Variants in ZNF618 observed in about 807,000 individuals in gnomAD.
The protein encoded by ZNF618 is zinc finger protein 618.
In ZNF618, 34 loss-of-function variants were observed where a neutral mutation model predicts 103.0. The ratio of observed to expected loss-of-function variants is 0.33; its 90% CI spans 0.25 to 0.44. ZNF618 has a LOEUF of 0.44. Ranked by LOEUF, ZNF618 falls within the 20% of genes least tolerant of loss-of-function variation. ZNF618 has a pLI of 1.00. For synonymous variants in ZNF618, 551 were observed against 542.2 expected (o/e 1.02, Z -0.23); for missense variants, 1,059 against 1,295.4 (o/e 0.82, Z 2.80).
rs577620970 is a variant in ZNF618 at position 113,907,651 on chromosome 9, A to AC, written c.33+31245dup. 1.8e-4 allele frequency among the ~76,000 whole-genome samples: 27 copies of AC among 151,466 alleles called. No homozygotes were observed. In the South Asian group the frequency reaches 3.8e-3, roughly 21 times the overall value. On this transcript the variant is annotated intron_variant, in intron 1 of 14. Coordinates refer to ENST00000374126, the MANE Select transcript of ZNF618 (RefSeq NM_001318042.2). ...AGCGCTTTCCAGAGGGTTGTCCAGG[A>AC]CCCCCCCGCATGAGAGGCCCCTGGG...
intron 3 of ZNF618, among the ~76,000 whole-genome samples, chr9:113,992,390 G>A (rs1287700053): frequency 2.6e-5 from 4 of 152,134 alleles, no homozygotes; most frequent in African/African-American, 9.7e-5. Context: ...CCTCCTACCT[G>A]CTTCTGAAAG....
chr9:113,908,953 C>CT (rs1831246522), intron 1 of ZNF618, among the ~76,000 whole-genome samples: 2 of 151,738 alleles, frequency 1.3e-5, no homozygotes, highest in Admixed American at 1.3e-4. Flanking sequence ...TTTAGTCCTC[C>CT]TTTTTAGTCT....
intron 3 of ZNF618, among the ~76,000 whole-genome samples, chr9:113,993,831 G>A (rs1232967043): frequency 6.6e-6 from 1 of 152,210 alleles, no homozygotes; most frequent in African/African-American, 2.4e-5. Flanking sequence ...ATTTTGCAAG[G>A]TGCGCATGGA....
rs3748184 is a variant in ZNF618, at chr9:114,008,375, G to C, written c.672G>C (p.Arg224=). Residue 224 remains arginine (R), a synonymous_variant, in exon 8 of 15, where the codon CGG becomes CGC. Coordinates refer to ENST00000374126, the MANE Select transcript of ZNF618 (RefSeq NM_001318042.2). ...VFSVEGAPEN[R]ADPFDQGVVA... Reference sequence around the variant, plus strand: ...GTGTGGAAGGGGCCCCTGAGAACCGGGCAGGTAAGTCCTTGGTGTCTGCTT... The same window carrying C: ...GTGTGGAAGGGGCCCCTGAGAACCGCGCAGGTAAGTCCTTGGTGTCTGCTT... The C allele has an allele frequency of 1.9e-6, 3 of 1,613,978 alleles. No individual in the cohort carries two copies. In the East Asian group the frequency reaches 6.7e-5, roughly 36 times the overall value.
intron 4 of ZNF618, among the ~76,000 whole-genome samples, chr9:114,001,456 G>A (rs1279857065): frequency 6.6e-6 from 1 of 152,130 alleles, no homozygotes; most frequent in Admixed American, 6.5e-5. Context: ...GTCCCATTCT[G>A]CAGATCAGCA....
At chr9:114,035,709 T>C (rs1260900324) in intron 12 of ZNF618, among the ~76,000 whole-genome samples, 3 of 151,604 alleles carry the variant, frequency 2.0e-5, no homozygotes, top group South Asian at 2.1e-4. Flanking sequence ...CCTGCACCCC[T>C]TGTGCCTGTT....
chr9:113,942,880 G>C (rs932911792), intron 1 of ZNF618, among the ~76,000 whole-genome samples: 1 of 152,186 alleles, frequency 6.6e-6, no homozygotes, highest in Non-Finnish European at 1.5e-5. Context: ...GAGCTATTTA[G>C]GTGGTTACAT....
intron 10 of ZNF618, among the ~76,000 whole-genome samples, chr9:114,020,355 C>G (rs1842968534): frequency 6.6e-6 from 1 of 151,774 alleles, no homozygotes; most frequent in Non-Finnish European, 1.5e-5. Flanking sequence ...CAAAAAAATG[C>G]AACTTGGAGT....
intron 10 of ZNF618, among the ~76,000 whole-genome samples, chr9:114,024,779 C>T (rs1156925155): frequency 6.6e-6 from 1 of 151,420 alleles, no homozygotes; most frequent in Admixed American, 6.6e-5. Context: ...TTTGCGGAGA[C>T]TCATCTGCAC....
intron 11 of ZNF618, among the ~76,000 whole-genome samples, chr9:114,030,580 T>A (rs890415825): frequency 1.3e-5 from 2 of 152,206 alleles, no homozygotes; most frequent in South Asian, 4.1e-4. Flanking sequence ...TGCCTTCATG[T>A]GCCTTGGAAG....
At position 114,008,419 on chromosome 9, in the gene ZNF618, G is replaced by T. The variant is rs766126348; in HGVS notation, c.676+40G>T. On this transcript the variant is annotated intron_variant, in intron 8 of 14. Coordinates refer to ENST00000374126, the MANE Select transcript of ZNF618 (RefSeq NM_001318042.2). ...TCTGCTTGTCACCTCCCCTGTCCCCGGCTGGGCTCCTGAGACCTGGGGGAC... is the reference window on the plus strand; with the variant it reads ...TCTGCTTGTCACCTCCCCTGTCCCCTGCTGGGCTCCTGAGACCTGGGGGAC... The T allele has an allele frequency of 7.4e-6, 12 of 1,613,938 alleles. No homozygotes were observed. The Admixed American group carries it at 1.7e-4, about 22-fold the overall frequency.
At chr9:114,013,495 G>A (rs10739399) in intron 9 of ZNF618, among the ~76,000 whole-genome samples, 86,004 of 152,024 alleles carry the variant, frequency 0.57, 25,903 homozygotes, top group East Asian at 0.67. Flanking sequence ...CAGTGGCGCA[G>A]TCTCGGCTCA....
chr9:114,008,776 G>C (rs963766995), intron 9 of ZNF618, among the ~76,000 whole-genome samples: 5 of 152,220 alleles, frequency 3.3e-5, no homozygotes, highest in African/African-American at 1.2e-4. Flanking sequence ...CAGCCAGGCT[G>C]GGGCTGAGTC....
chr9:113,924,130 A>G (rs1349656201), intron 1 of ZNF618, among the ~76,000 whole-genome samples: 3 of 152,060 alleles, frequency 2.0e-5, no homozygotes, highest in South Asian at 4.1e-4. Context: ...GGTACAATTC[A>G]CCACTTGGAC....
chr9:113,989,203 TAG>T (rs1839784117), intron 3 of ZNF618, among the ~76,000 whole-genome samples: 1 of 152,172 alleles, frequency 6.6e-6, no homozygotes, highest in Non-Finnish European at 1.5e-5. Flanking sequence ...TTAGCATAAA[TAG>T]AGATGAGCCA....
chr9:114,044,676 G>A (rs971120956), intron 13 of ZNF618, among the ~76,000 whole-genome samples: 3 of 152,114 alleles, frequency 2.0e-5, no homozygotes, highest in Non-Finnish European at 4.4e-5. Flanking sequence ...CCATGAGCAC[G>A]GGATGTGTTT....
intron 1 of ZNF618, among the ~76,000 whole-genome samples, chr9:113,882,969 G>T (rs1478597097): frequency 6.6e-6 from 1 of 152,226 alleles, no homozygotes; most frequent in East Asian, 1.9e-4. Flanking sequence ...GTCAGAGTTG[G>T]TTGTTTGCAT....
chr9:114,011,002 C>A (rs1842190681), intron 9 of ZNF618, among the ~76,000 whole-genome samples: 1 of 152,184 alleles, frequency 6.6e-6, no homozygotes, highest in Non-Finnish European at 1.5e-5. Flanking sequence ...TGTTGGAGCA[C>A]ACACACACAA....
chr9:113,904,910 C>T (rs911227278), intron 1 of ZNF618, among the ~76,000 whole-genome samples: 3 of 152,190 alleles, frequency 2.0e-5, no homozygotes, highest in Non-Finnish European at 2.9e-5. Flanking sequence ...CCAGCATAAT[C>T]TCTCTATCTC....
Sources: gnomAD v4.1 joint callset for allele counts (sites outside exome capture counted in the v4.1 genomes callset) on GRCh38, gnomAD v4.1.1 for gene constraint, MANE v1.5 for transcripts, NCBI Gene and HGNC (gene_info 2026-07-23, HGNC 2026-07-21) for gene names.